The following DENND5B variants were observed in gnomAD, a reference collection of about 807,000 sequenced individuals.
DENND5B encodes the protein DENN domain-containing protein 5B.
A neutral mutation model predicts 140.6 loss-of-function variants in DENND5B; 34 were observed. The ratio of observed to expected loss-of-function variants is 0.24; its 90% CI spans 0.18 to 0.32. DENND5B has a LOEUF of 0.32. Among genes scored for constraint, DENND5B ranks in the 10% least tolerant of loss-of-function variants. The probability of loss-of-function intolerance (pLI) is 1.00; values close to 1 mark genes in which losing one functional copy is unlikely to be tolerated. For synonymous variants in DENND5B, 551 were observed against 562.1 expected (o/e 0.98, Z 0.28); for missense variants, 1,142 against 1,560.2 (o/e 0.73, Z 4.52).
In DENND5B at chr12:31,389,474, G is replaced by A; in HGVS notation, c.3491C>T (p.Thr1164Ile). Residue 1164 changes from threonine (T) to isoleucine (I), a missense_variant, in exon 20 of 21, where the codon ACA (threonine) becomes ATA (isoleucine). By Grantham distance (89) the Thr-to-Ile change is moderately conservative (BLOSUM62 -1). Around this residue, in one of 5 missense-constraint regions of DENND5B, gnomAD observed 125 missense variants for 179.0 expected, o/e 0.70. Coordinates refer to ENST00000389082, the MANE Select transcript of DENND5B (RefSeq NM_144973.4). The part of the protein sequence containing the change: ...FIEKVVAYFE[T>I]TDQILDNEDD... ...TTCATTATCTAGAATCTGGTCAGTTGTTTCAAAATAAGCAACCACTTTCTC... is the reference window on the plus strand; with the variant it reads ...TTCATTATCTAGAATCTGGTCAGTTATTTCAAAATAAGCAACCACTTTCTC... 1 of 1,593,364 alleles carries A rather than the reference G, an allele frequency of 6.3e-7. No individual in the cohort carries two copies. The highest frequency in any genetic ancestry group is 8.6e-7 in the Non-Finnish European group (1 of 1,169,160).
chr12:31,568,306 T>C (rs1592066303), intron 1 of DENND5B, among the ~76,000 whole-genome samples: 1 of 152,332 alleles, frequency 6.6e-6, no homozygotes, highest in African/African-American at 2.4e-5. Flanking sequence ...TATGCAAATA[T>C]TCCAAAATCT....
Position 31,385,546 on chromosome 12 carries a change from A to G in DENND5B, c.*2057T>C, listed in dbSNP as rs1452217378. Reference sequence around the variant, plus strand: ...CCAAACACAGTAGGAGCCCAGTGTAAAACAGGTTCTGGATATCTCCCACGA... The same window carrying G: ...CCAAACACAGTAGGAGCCCAGTGTAGAACAGGTTCTGGATATCTCCCACGA... On this transcript the variant is annotated 3_prime_UTR_variant, in exon 21 of 21. Transcript: ENST00000389082. 6.6e-6 allele frequency: 1 copy of G among 152,224 alleles called. No homozygotes were observed. Among genetic ancestry groups the G allele is most frequent in the Non-Finnish European group, 1.5e-5 (1 of 68,050 alleles). 9.4% of individuals were successfully genotyped at this position (152,224 alleles called of 1,614,324 possible). A position where few individuals can be genotyped will look rare whatever the true frequency, so the allele number is the denominator to read the frequency against.
chr12:31,442,846 T>C lies in DENND5B; in HGVS notation c.1941A>G (p.Gln647=), dbSNP rs1341987006. Residue 647 remains glutamine (Q), a synonymous_variant, in exon 7 of 21, where the codon CAA becomes CAG. Transcript: ENST00000389082. ...GAAAGAACCCCTGCTCATATTTGCC[T>C]TGACCAATTTTCATATCAAGTAGAT... ...HPHLLDMKIG[Q]GKYEQGFFPK... is the part of the protein sequence containing the mutation. The C allele has an allele frequency of 6.2e-7, 1 of 1,613,162 alleles. No homozygotes were observed. Among genetic ancestry groups the C allele is most frequent in the East Asian group, 2.2e-5 (1 of 44,858 alleles).
At chr12:31,449,730 A>ATTTTTTTTTT (rs1565589504) in intron 5 of DENND5B, among the ~76,000 whole-genome samples, 6 of 24,386 alleles carry the variant, frequency 2.5e-4, no homozygotes, top group Non-Finnish European at 7.0e-4. Context: ...TACACAGATT[A>ATTTTTTTTTT]GTTTTTTTTT....
intron 3 of DENND5B, among the ~76,000 whole-genome samples, chr12:31,476,003 G>C (rs1016143248): frequency 2.6e-5 from 4 of 152,116 alleles, no homozygotes; most frequent in Admixed American, 6.6e-5. Flanking sequence ...GTGCGCGCCT[G>C]TAGTCCCAGG....
At chr12:31,540,399 A>G (rs905119091) in intron 1 of DENND5B, among the ~76,000 whole-genome samples, 25 of 152,218 alleles carry the variant, frequency 1.6e-4, no homozygotes, top group Non-Finnish European at 1.5e-5. Flanking sequence ...CATGCCTGCA[A>G]TCCCAGTGCT....
At position 31,426,368 on chromosome 12, in the gene DENND5B, T is replaced by C. The variant is rs1943235383; in HGVS notation, c.2163A>G (p.Ser721=). 1 of 1,612,480 alleles carries C rather than the reference T, an allele frequency of 6.2e-7. No homozygotes were observed. Among genetic ancestry groups the C allele is most frequent in the East Asian group, 2.2e-5 (1 of 44,862 alleles). Reference sequence around the variant, plus strand: ...GTGCAATAACTGCAGGAGAGAGGTCTGACAGTTTGGGTTGCCTCAGGTTTT... The same window carrying C: ...GTGCAATAACTGCAGGAGAGAGGTCCGACAGTTTGGGTTGCCTCAGGTTTT... ...LGKNLRQPKL[S]DLSPAVIAQT... Residue 721 remains serine, a synonymous_variant, in exon 9 of 21, where the codon TCA becomes TCG. Coordinates refer to ENST00000389082, the MANE Select transcript of DENND5B (RefSeq NM_144973.4).
chr12:31,405,703 G>A (rs1201972504), intron 14 of DENND5B, among the ~76,000 whole-genome samples: 1 of 151,084 alleles, frequency 6.6e-6, no homozygotes, highest in Admixed American at 6.6e-5. Flanking sequence ...GCTTGCCACC[G>A]TGCCCAGCTA....
chr12:31,565,266 C>T (rs755185996), intron 1 of DENND5B, among the ~76,000 whole-genome samples: 3 of 152,172 alleles, frequency 2.0e-5, no homozygotes, highest in Non-Finnish European at 4.4e-5. Context: ...TGCCGGCACA[C>T]ACCTGTAGTC....
chr12:31,392,355 G>T lies in DENND5B; in HGVS notation c.3378C>A (p.Gly1126=). 1 of 1,613,710 alleles carries T rather than the reference G, an allele frequency of 6.2e-7. No individual in the cohort carries two copies. The highest frequency in any genetic ancestry group is 8.5e-7 in the Non-Finnish European group (1 of 1,179,854). The change falls in exon 19 of 21, where the codon GGC becomes GGA. Residue 1126 remains glycine, a synonymous_variant. Coordinates refer to ENST00000389082, the MANE Select transcript of DENND5B (RefSeq NM_144973.4). The part of the protein sequence containing the change: ...SLTVLLCGEN[G]LVAALEQVFH... ...AAACTTGCTCAAGGGCTGCAACCAGGCCATTTTCTCCACACAGCAACACGG... is the reference window on the plus strand; with the variant it reads ...AAACTTGCTCAAGGGCTGCAACCAGTCCATTTTCTCCACACAGCAACACGG...
chr12:31,455,739 G>A (rs1350469627), intron 4 of DENND5B, among the ~76,000 whole-genome samples: 1 of 151,930 alleles, frequency 6.6e-6, no homozygotes, highest in Non-Finnish European at 1.5e-5. Flanking sequence ...CAACAAAAGT[G>A]GGCTGGGCAT....
intron 13 of DENND5B, among the ~76,000 whole-genome samples, chr12:31,411,475 G>T (rs958222489): frequency 2.0e-5 from 3 of 151,324 alleles, no homozygotes; most frequent in Admixed American, 6.6e-5. Context: ...CTCCCAAGTA[G>T]CTGGGATTAT....
intron 9 of DENND5B, 62 bp downstream of exon 9, chr12:31,426,230 CT>C: frequency 6.6e-7 from 1 of 1,519,536 alleles, no homozygotes. Flanking sequence ...CTCAGTTCAT[CT>C]TAGCCTCACA....
chr12:31,548,116 G>A (rs2139218716), intron 1 of DENND5B, among the ~76,000 whole-genome samples: 1 of 152,122 alleles, frequency 6.6e-6, no homozygotes, highest in Admixed American at 6.5e-5. Flanking sequence ...ATCCAGCCAG[G>A]CACAGTGGGA....
At chr12:31,477,502 A>G (rs1945873437) in intron 3 of DENND5B, 1 of 152,498 alleles carries the variant, frequency 6.6e-6, no homozygotes, top group Non-Finnish European at 1.5e-5. Context: ...CAGCCACCAC[A>G]CTTATGGCAG....
chr12:31,564,339 C>T (rs899159), intron 1 of DENND5B, among the ~76,000 whole-genome samples: 103,482 of 151,696 alleles, frequency 0.68, 36,390 homozygotes, highest in East Asian at 0.88. Context: ...CCACTGCAAC[C>T]ATAGACTGGC....
At chr12:31,567,863 A>G (rs944880732) in intron 1 of DENND5B, among the ~76,000 whole-genome samples, 3 of 152,024 alleles carry the variant, frequency 2.0e-5, no homozygotes, top group African/African-American at 7.2e-5. Flanking sequence ...TTCTATTTTT[A>G]GGGGGTTGTT....
chr12:31,579,800 GGAGAGAAGAGAGAA>G lies in DENND5B; in HGVS notation c.127+10892_127+10905del, dbSNP rs1218154645. Among the ~76,000 whole-genome samples, 570 of 148,756 alleles carry G rather than the reference GGAGAGAAGAGAGAA, an allele frequency of 3.8e-3. 1 individual carries two copies. The highest frequency in any genetic ancestry group is 5.8e-3 in the Non-Finnish European group (385 of 66,938). ...AAGGAAGGAGGGAGGGAGGGAGGGA[GGAGAGAAGAGAGAA>G]GAGAGAAGAGTAATGGGGAAAGACA... On this transcript the variant is annotated intron_variant, in intron 1 of 20. Coordinates refer to ENST00000389082, the MANE Select transcript of DENND5B (RefSeq NM_144973.4).
At chr12:31,427,795 C>G (rs534049935) in intron 8 of DENND5B, among the ~76,000 whole-genome samples, 2 of 152,226 alleles carry the variant, frequency 1.3e-5, no homozygotes, top group South Asian at 4.1e-4. Flanking sequence ...CCAGCACATC[C>G]TCCCACGGGC....
Sources: allele counts gnomAD v4.1 joint callset (sites outside exome capture counted in the v4.1 genomes callset), GRCh38; gene constraint gnomAD v4.1.1; regional missense constraint gnomAD v4.1.1; transcripts MANE v1.5; gene names NCBI Gene and HGNC (gene_info 2026-07-23, HGNC 2026-07-21).